The following SLC35F1 variants were observed in gnomAD, a reference collection of about 807,000 sequenced individuals.
SLC35F1 encodes the protein solute carrier family 35 member F1.
A neutral mutation model predicts 48.7 loss-of-function variants in SLC35F1; 14 were observed. The observed-to-expected ratio is 0.29, with a 90% CI of 0.19 to 0.45. The LOEUF is 0.45. SLC35F1 is among the 20% of genes least tolerant of loss of function. SLC35F1 has a pLI of 1.00. For missense variants in SLC35F1, 404 were observed against 500.0 expected, an observed-to-expected ratio of 0.81 and a Z score of 1.83; for synonymous variants, 190 against 202.2, an observed-to-expected ratio of 0.94 and a Z score of 0.51.
intron 1 of SLC35F1, among the ~76,000 whole-genome samples, chr6:118,104,962 C>G (rs1162202816): frequency 6.6e-6 from 1 of 152,196 alleles, no homozygotes; most frequent in Non-Finnish European, 1.5e-5. Context: ...TCCAGAGCTG[C>G]TCCTTCACTC....
At chr6:118,176,565 T>C (rs1344472853) in intron 2 of SLC35F1, among the ~76,000 whole-genome samples, 1 of 152,118 alleles carries the variant, frequency 6.6e-6, no homozygotes, top group Non-Finnish European at 1.5e-5. Context: ...TTTGGGAATA[T>C]ATCTTTAAAA....
At chr6:118,249,538 A>G (rs1290901343) in intron 3 of SLC35F1, among the ~76,000 whole-genome samples, 1 of 152,170 alleles carries the variant, frequency 6.6e-6, no homozygotes, top group Non-Finnish European at 1.5e-5. Context: ...CCTTGCATGT[A>G]AAAAAAGAAA....
chr6:118,033,764 C>T (rs4245496), intron 1 of SLC35F1, among the ~76,000 whole-genome samples: 44,727 of 151,970 alleles, frequency 0.29, 7,286 homozygotes, highest in East Asian at 0.47. Context: ...GCTAGGCTTA[C>T]ATAATCAGTG....
At chr6:117,922,218 AAAGCT>A in intron 1 of SLC35F1, among the ~76,000 whole-genome samples, 1 of 152,270 alleles carries the variant, frequency 6.6e-6, no homozygotes, top group Non-Finnish European at 1.5e-5. Flanking sequence ...CTGGGGAAGA[AAAGCT>A]AAGAGAGTTG....
chr6:118,112,073 T>TCTTTCTCTTC lies in SLC35F1; in HGVS notation c.174-42368_174-42367insCTCTTCCTTT, dbSNP rs1020279266. Among the ~76,000 whole-genome samples, 6 of 149,192 alleles carry TCTTTCTCTTC rather than the reference T, an allele frequency of 4.0e-5. 1 individual carries two copies. Among genetic ancestry groups the TCTTTCTCTTC allele is most frequent in the African/African-American group, 1.5e-4 (6 of 39,088 alleles). ...AGGCCTTTCTTTCTTTCTTTCTTTT[T>TCTTTCTCTTC]CTTTATTTCTTTCTTTTCTTTTCTT... On this transcript the variant is annotated intron_variant, in intron 1 of 7. Transcript: ENST00000360388.
At chr6:118,243,016 C>G (rs1327638724) in intron 3 of SLC35F1, among the ~76,000 whole-genome samples, 1 of 152,176 alleles carries the variant, frequency 6.6e-6, no homozygotes, top group Non-Finnish European at 1.5e-5. Context: ...TTCTGCACCA[C>G]TCCTCTGACG....
intron 1 of SLC35F1, among the ~76,000 whole-genome samples, chr6:117,971,749 C>A (rs1161380481): frequency 1.3e-5 from 2 of 152,214 alleles, no homozygotes; most frequent in African/African-American, 4.8e-5. Flanking sequence ...TGTACATTGG[C>A]CCCTTTTAGC....
chr6:118,042,077 A>T (rs1433446641), intron 1 of SLC35F1, among the ~76,000 whole-genome samples: 1 of 152,136 alleles, frequency 6.6e-6, no homozygotes, highest in Non-Finnish European at 1.5e-5. Context: ...GCTAAAATCC[A>T]ATATCATCCA....
At chr6:118,066,413 A>G (rs1772614253) in intron 1 of SLC35F1, among the ~76,000 whole-genome samples, 1 of 152,196 alleles carries the variant, frequency 6.6e-6, no homozygotes. Context: ...ATGGTCAGTA[A>G]GAAGCGTCAG....
intron 1 of SLC35F1, among the ~76,000 whole-genome samples, chr6:117,965,560 A>G (rs1562250063): frequency 6.6e-6 from 1 of 152,128 alleles, no homozygotes; most frequent in Non-Finnish European, 1.5e-5. Context: ...TCCCTCCCCA[A>G]AAGGATTCTG....
At position 118,180,737 on chromosome 6, in the gene SLC35F1, G is replaced by A. The variant is rs548839259; in HGVS notation, c.349+26117G>A. On this transcript the variant is annotated intron_variant, in intron 2 of 7. Coordinates refer to ENST00000360388, the MANE Select transcript of SLC35F1 (RefSeq NM_001029858.4). ...AGTGAGAATGTGCAATATGAACTCA[G>A]ATTCCGGAAGGAGATTATAGAGAGA... 1.2e-4 allele frequency among the ~76,000 whole-genome samples: 19 copies of A among 152,180 alleles called. No homozygotes were observed. The South Asian group carries it at 3.7e-3, about 30-fold the overall frequency.
chr6:118,291,162 A>G (rs911094608), intron 7 of SLC35F1, among the ~76,000 whole-genome samples: 26 of 152,030 alleles, frequency 1.7e-4, no homozygotes, highest in African/African-American at 6.3e-4. Flanking sequence ...TGGCCAATGC[A>G]AAAATCTTGG....
rs149879230 is a variant in SLC35F1 at position 118,039,799 on chromosome 6, G to GTTTTTTTTTTTTTTTT, written c.174-114638_174-114637insTTTTTTTTTTTTTTTT. ...TTTAACATCTAAGCATCTCAGGATT[G>GTTTTTTTTTTTTTTTT]TTTTTTTTGTTTTTTTTTTTTGCTT... On this transcript the variant is annotated intron_variant, in intron 1 of 7. Transcript: ENST00000360388. Among the ~76,000 whole-genome samples, 38 of 106,836 alleles carry GTTTTTTTTTTTTTTTT rather than the reference G, an allele frequency of 3.6e-4. 4 individuals carry two copies. Among genetic ancestry groups the GTTTTTTTTTTTTTTTT allele is most frequent in the Non-Finnish European group, 4.7e-4 (24 of 51,006 alleles). 70.1% of individuals were successfully genotyped at this position (106,836 alleles called of 152,430 possible).
intron 1 of SLC35F1, among the ~76,000 whole-genome samples, chr6:118,150,912 A>G (rs371927554): frequency 6.4e-4 from 97 of 152,236 alleles, no homozygotes; most frequent in African/African-American, 2.3e-3. Flanking sequence ...CTTAGTCACT[A>G]CTAGCTATCC....
intron 1 of SLC35F1, among the ~76,000 whole-genome samples, chr6:117,949,041 T>C (rs1776329042): frequency 6.6e-6 from 1 of 152,178 alleles, no homozygotes; most frequent in Admixed American, 6.5e-5. Flanking sequence ...AGCGGGGTGC[T>C]ATTCATAATG....
intron 1 of SLC35F1, among the ~76,000 whole-genome samples, chr6:118,136,449 C>T (rs1403993676): frequency 6.6e-6 from 1 of 152,068 alleles, no homozygotes; most frequent in Non-Finnish European, 1.5e-5. Context: ...ACAAGTATGC[C>T]TTAGTAGGAA....
intron 1 of SLC35F1, among the ~76,000 whole-genome samples, chr6:118,097,513 G>A (rs6904369): frequency 2.6e-5 from 4 of 152,158 alleles, no homozygotes; most frequent in African/African-American, 9.7e-5. Flanking sequence ...TCTCTGTCTC[G>A]TTTACTGTTG....
At chr6:117,998,866 C>A (rs1223989226) in intron 1 of SLC35F1, 1 of 616,338 alleles carries the variant, frequency 1.6e-6, no homozygotes, top group East Asian at 2.9e-5. Context: ...ATTAAAAGAA[C>A]TAGAAAAGCA....
chr6:118,009,364 C>T (rs1461960678), intron 1 of SLC35F1, among the ~76,000 whole-genome samples: 1 of 152,148 alleles, frequency 6.6e-6, no homozygotes, highest in African/African-American at 2.4e-5. Context: ...TCAAAGATGC[C>T]TGAGGTCAGG....
Sources: gnomAD v4.1 joint callset for allele counts (sites outside exome capture counted in the v4.1 genomes callset) on GRCh38, gnomAD v4.1.1 for gene constraint, MANE v1.5 for transcripts, NCBI Gene and HGNC (gene_info 2026-07-23, HGNC 2026-07-21) for gene names.